TRIM29: variants seen among roughly 807,000 people sequenced by gnomAD.
TRIM29 encodes the protein tripartite motif containing 29.
TRIM29 carries 52 observed loss-of-function variants against 57.3 expected under a neutral mutation model. The ratio of observed to expected loss-of-function variants is 0.91; its 90% CI spans 0.73 to 1.14. The LOEUF (loss-of-function observed/expected upper bound fraction) is 1.14. Ranked by LOEUF, TRIM29 falls within the 50% of genes most tolerant of loss-of-function variation. TRIM29 has a pLI of 0.00. For missense variants in TRIM29, 753 were observed against 774.6 expected, an observed-to-expected ratio of 0.97 and a Z score of 0.33; for synonymous variants, 319 against 316.9, an observed-to-expected ratio of 1.01 and a Z score of -0.07.
At chr11:120,119,763 G>A (rs144257330) in intron 6 of TRIM29, among the ~76,000 whole-genome samples, 313 of 152,220 alleles carry the variant, frequency 2.1e-3, no homozygotes, top group Admixed American at 3.6e-3. Flanking sequence ...GAGTCCTCCA[G>A]TGCTATGTCT....
At chr11:120,128,314 G>A in intron 2 of TRIM29, 86 bp downstream of exon 2, 1 of 1,165,524 alleles carries the variant, frequency 8.6e-7, no homozygotes. Context: ...GTGGGCCTGG[G>A]ACTCAAATGG....
At chr11:120,131,677 C>T (rs1296271415) in intron 1 of TRIM29, among the ~76,000 whole-genome samples, 1 of 151,360 alleles carries the variant, frequency 6.6e-6, no homozygotes, top group African/African-American at 2.4e-5. Flanking sequence ...TAGAATGGTC[C>T]TTTCTCACCT....
chr11:120,112,215 A>C lies in TRIM29; in HGVS notation c.*199T>G. On this transcript the variant is annotated 3_prime_UTR_variant, in exon 9 of 9. Transcript: ENST00000341846. ...GACCATCTGAGGTCACAAGGCAGGA[A>C]AGGAGTCTGAATGGAGTGTGGCCAG... is the stretch of plus-strand genomic sequence containing the variant. 1 of 558,792 alleles carries C rather than the reference A, an allele frequency of 1.8e-6. No individual in the cohort carries two copies. The highest frequency in any genetic ancestry group is 3.3e-5 in the East Asian group (1 of 30,134). 34.6% of individuals were successfully genotyped at this position (558,792 alleles called of 1,614,324 possible). A position where few individuals can be genotyped will look rare whatever the true frequency, so the allele number is the denominator to read the frequency against.
intron 1 of TRIM29, among the ~76,000 whole-genome samples, chr11:120,131,496 G>C (rs756909984): frequency 6.6e-6 from 1 of 152,114 alleles, no homozygotes; most frequent in Non-Finnish European, 1.5e-5. Flanking sequence ...GCTGTGGGCA[G>C]AAGAGTCGGT....
intron 1 of TRIM29, among the ~76,000 whole-genome samples, chr11:120,135,551 C>A (rs1863799608): frequency 6.6e-6 from 1 of 152,146 alleles, no homozygotes; most frequent in South Asian, 2.1e-4. Context: ...TCTAACCTCC[C>A]AAGTAAACTC....
rs1435789966 is a variant in TRIM29 at position 120,122,104 on chromosome 11, C to G, written c.1435+850G>C. The G allele has an allele frequency of 1.6e-5, 6 of 376,558 alleles. No individual in the cohort carries two copies. The East Asian group carries it at 4.4e-4, about 28-fold the overall frequency. The allele number at this position is 376,558 out of a possible 1,614,324, so 23.3% of individuals were successfully genotyped here. On this transcript the variant is annotated intron_variant, in intron 5 of 8. Coordinates refer to ENST00000341846, the MANE Select transcript of TRIM29 (RefSeq NM_012101.4). Reference sequence around the variant, plus strand: ...TCTGTTGAGCTCATCTCTCCAAATCCCCCAAGCCTCTCCCATTGTGTGTGT... The same window carrying G: ...TCTGTTGAGCTCATCTCTCCAAATCGCCCAAGCCTCTCCCATTGTGTGTGT...
At chr11:120,128,894 C>T (rs1161058472) in intron 1 of TRIM29, 3 of 1,447,732 alleles carry the variant, frequency 2.1e-6, no homozygotes, top group Admixed American at 2.2e-5. Flanking sequence ...CTCAGCCCAG[C>T]CCAGCCCAGG....
rs550433859 is a variant in TRIM29, at chr11:120,120,795, A to G, written c.1436-130T>C. ...CACTGAGAGAAGTCCTTTGGGTCTG[A>G]CATAAGTCAATCAACTAATTTATCA... On this transcript the variant is annotated intron_variant, in intron 5 of 8. Coordinates refer to ENST00000341846, the MANE Select transcript of TRIM29 (RefSeq NM_012101.4). 9 of 763,546 alleles carry G rather than the reference A, an allele frequency of 1.2e-5. No homozygotes were observed. The East Asian group carries it at 2.4e-4, about 20-fold the overall frequency. The allele number at this position is 763,546 out of a possible 1,614,324, so 47.3% of individuals were successfully genotyped here. A position where few individuals can be genotyped will look rare whatever the true frequency, so the allele number is the denominator to read the frequency against.
At chr11:120,115,014 GC>G (rs1591316649) in intron 8 of TRIM29, among the ~76,000 whole-genome samples, 1 of 152,192 alleles carries the variant, frequency 6.6e-6, no homozygotes, top group Non-Finnish European at 1.5e-5. Context: ...CAATCCCAGA[GC>G]TGGCAGAACC....
chr11:120,134,321 C>T (rs1285373793), intron 1 of TRIM29, among the ~76,000 whole-genome samples: 4 of 152,174 alleles, frequency 2.6e-5, no homozygotes, highest in Non-Finnish European at 4.4e-5. Context: ...TAGCCTCACA[C>T]CACCAACCGA....
At chr11:120,135,585 G>A (rs753532030) in intron 1 of TRIM29, among the ~76,000 whole-genome samples, 15 of 152,168 alleles carry the variant, frequency 9.9e-5, no homozygotes, top group East Asian at 1.9e-4. Context: ...TCATGGCCCC[G>A]TCCCATCTAT....
At chr11:120,119,471 G>A (rs1863377928) in intron 6 of TRIM29, among the ~76,000 whole-genome samples, 2 of 152,206 alleles carry the variant, frequency 1.3e-5, no homozygotes, top group Admixed American at 1.3e-4. Context: ...AGCACGTCCA[G>A]CCAGGGTTCC....
rs553750183 is a variant in TRIM29 at position 120,118,275 on chromosome 11, G to A, written c.1575C>T (p.Asn525=). The change falls in exon 7 of 9, where the codon AAC becomes AAT. Residue 525 remains asparagine (N), a synonymous_variant. Transcript: ENST00000341846. Reference sequence around the variant, plus strand: ...GGACGACGGGCAGGTCATTGTCAGAGTTCTGAATGCTGGAGGAGTACTCCC... The same window carrying A: ...GGACGACGGGCAGGTCATTGTCAGAATTCTGAATGCTGGAGGAGTACTCCC... ...RVWEYSSSIQ[N]SDNDLPVVQG... 3 of 1,614,064 alleles carry A rather than the reference G, an allele frequency of 1.9e-6. No individual in the cohort carries two copies. The highest frequency in any genetic ancestry group is 1.3e-5 in the African/African-American group (1 of 75,040).
Position 120,123,945 on chromosome 11 carries a change from C to T in TRIM29, c.1334-890G>A, listed in dbSNP as rs539178618. 18 of 168,558 alleles carry T rather than the reference C, an allele frequency of 1.1e-4. No individual in the cohort carries two copies. The South Asian group carries it at 1.8e-3, about 17-fold the overall frequency. 10.4% of individuals were successfully genotyped at this position (168,558 alleles called of 1,614,324 possible). A position where few individuals can be genotyped will look rare whatever the true frequency, so the allele number is the denominator to read the frequency against. On this transcript the variant is annotated intron_variant, in intron 4 of 8. Transcript: ENST00000341846. ...GCGCAGGGGCCTTTGAGGGTGTGGA[C>T]GAGTCCCTGGTCTGGTGGGCAGGCT...
In TRIM29 at chr11:120,128,733, C is replaced by T. The variant is rs1246620243; in HGVS notation, c.805-238G>A. The T allele has an allele frequency of 1.2e-5, 18 of 1,535,462 alleles. No individual in the cohort carries two copies. The East Asian group carries it at 4.2e-4, about 35-fold the overall frequency. Reference sequence around the variant, plus strand: ...TTGCTGTATTCTCAGGCCACTAGGGCTGGATATCCTAGCCATGTCTTTTTA... The same window carrying T: ...TTGCTGTATTCTCAGGCCACTAGGGTTGGATATCCTAGCCATGTCTTTTTA... On this transcript the variant is annotated intron_variant, in intron 1 of 8. Coordinates refer to ENST00000341846, the MANE Select transcript of TRIM29 (RefSeq NM_012101.4).
intron 8 of TRIM29, among the ~76,000 whole-genome samples, 155 bp downstream of exon 8, chr11:120,115,183 G>T (rs891216803): frequency 9.2e-5 from 14 of 152,224 alleles, no homozygotes; most frequent in African/African-American, 3.4e-4. Flanking sequence ...CCTCTGCTGT[G>T]TACAGGTATT....
rs1376323366 is a variant in TRIM29, at chr11:120,112,376, G to A, written c.*38C>T. The A allele has an allele frequency of 6.2e-7, 1 of 1,611,378 alleles. No homozygotes were observed. The highest frequency in any genetic ancestry group is 2.2e-5 in the East Asian group (1 of 44,776). On this transcript the variant is annotated 3_prime_UTR_variant, in exon 9 of 9. Transcript: ENST00000341846. ...GCAAGAGCAGCAGGGTCAGGAGGAA[G>A]AGCAGGGGTGTGGCGCCTCGTTCCT...
rs1225244684 is a variant in TRIM29 at position 120,115,278 on chromosome 11, C to A, written c.1704+60G>T. 3.2e-6 allele frequency: 5 copies of A among 1,547,016 alleles called. No individual in the cohort carries two copies. The African/African-American group carries it at 6.8e-5, about 21-fold the overall frequency. On this transcript the variant is annotated intron_variant, in intron 8 of 8. Transcript: ENST00000341846. ...CCTGGAACCGATTGCCTCCAGGGAGCCCCCTTCAGTGCCCAGGTCTCTGGA... is the reference window on the plus strand; with the variant it reads ...CCTGGAACCGATTGCCTCCAGGGAGACCCCTTCAGTGCCCAGGTCTCTGGA...
chr11:120,129,594 A>G (rs952138337), intron 1 of TRIM29, among the ~76,000 whole-genome samples: 3 of 152,208 alleles, frequency 2.0e-5, no homozygotes, highest in Non-Finnish European at 4.4e-5. Context: ...ATCAGCCAGG[A>G]GTCATGAGCA....
Sources: gnomAD v4.1 joint callset for allele counts (sites outside exome capture counted in the v4.1 genomes callset) on GRCh38, gnomAD v4.1.1 for gene constraint, MANE v1.5 for transcripts, NCBI Gene and HGNC (gene_info 2026-07-23, HGNC 2026-07-21) for gene names.